Variants in NEMP2 observed in about 807,000 individuals in gnomAD.
NEMP2 encodes nuclear envelope integral membrane protein 2.
A neutral mutation model predicts 54.2 loss-of-function variants in NEMP2; 53 were observed. That is an observed-to-expected ratio of 0.98 (90% CI 0.78 to 1.23). NEMP2 has a LOEUF of 1.23. Among genes scored for constraint, NEMP2 ranks in the 50% most tolerant of loss-of-function variants. The pLI, the probability that NEMP2 is intolerant of heterozygous loss-of-function variation, is 0.00. For synonymous variants in NEMP2, 197 were observed against 190.3 expected, an observed-to-expected ratio of 1.04 and a Z score of -0.29; for missense variants, 455 against 511.3, an observed-to-expected ratio of 0.89 and a Z score of 1.06.
the NEMP2 span, among the ~76,000 whole-genome samples, chr2:190,441,612 C>G: frequency 6.6e-6 from 1 of 152,090 alleles, no homozygotes; most frequent in Admixed American, 6.5e-5. Context: ...TGTACATGTG[C>G]TGGTCAGTAC....
At chr2:190,449,089 A>C in the NEMP2 span, among the ~76,000 whole-genome samples, 98 of 152,362 alleles carry the variant, frequency 6.4e-4, 1 homozygote, top group South Asian at 0.02. Context: ...AAATGGCATA[A>C]ATGATTACAA....
the NEMP2 span, among the ~76,000 whole-genome samples, chr2:190,450,563 G>C: frequency 8.0e-6 from 1 of 125,698 alleles, no homozygotes; most frequent in African/African-American, 3.0e-5. Flanking sequence ...TGCAATCTCA[G>C]CTCACTGCAG....
chr2:190,428,071 T>C, the NEMP2 span, among the ~76,000 whole-genome samples: 45,947 of 152,096 alleles, frequency 0.3, 7,268 homozygotes, highest in African/African-American at 0.39. Context: ...GTTTTGCCTG[T>C]TTATTATTTT....
chr2:190,516,379 G>C lies in NEMP2; in HGVS notation c.618C>G (p.Ser206Arg). The C allele has an allele frequency of 6.5e-7, 1 of 1,544,126 alleles. No homozygotes were observed. The highest frequency in any genetic ancestry group is 8.7e-7 in the Non-Finnish European group (1 of 1,144,590). ...LLVKRFIPKY[S>R]TFWALMVGCW... is the part of the protein sequence containing the mutation. ...AACCAACCATTAGAGCCCAAAAGGT[G>C]CTATACTGTGTGTGGAAGAAAATAA... is the stretch of plus-strand genomic sequence containing the variant. The change falls in exon 6 of 9, where the codon AGC (serine) becomes AGG (arginine). Residue 206 changes from serine (S) to arginine (R), a missense_variant. Physicochemically the swap from Ser to Arg is moderately radical, Grantham distance 110. Around this residue, in one of 3 missense-constraint regions of NEMP2, gnomAD observed 294 missense variants for 333.6 expected, o/e 0.88. Transcript: ENST00000409150.
At chr2:190,591,576 C>T in the NEMP2 span, among the ~76,000 whole-genome samples, 1 of 152,132 alleles carries the variant, frequency 6.6e-6, no homozygotes, top group Admixed American at 6.6e-5. This position sits in a 1 kb window ranked among gnomAD's most constrained non-coding sequence, Gnocchi z 5.4. Flanking sequence ...ACAAAGGTTT[C>T]TGTGGTCACT....
the NEMP2 span, among the ~76,000 whole-genome samples, chr2:190,466,370 G>A: frequency 2.6e-5 from 4 of 152,156 alleles, no homozygotes; most frequent in Admixed American, 1.3e-4. Flanking sequence ...GTAAATATAC[G>A]TGTACTTCTT....
chr2:190,624,372 A>G, the NEMP2 span, among the ~76,000 whole-genome samples: 1 of 152,212 alleles, frequency 6.6e-6, no homozygotes, highest in African/African-American at 2.4e-5. Context: ...TAGTCACTAT[A>G]AAACAGTATA....
chr2:190,619,904 C>T, the NEMP2 span, among the ~76,000 whole-genome samples: 1 of 152,116 alleles, frequency 6.6e-6, no homozygotes, highest in Non-Finnish European at 1.5e-5. The surrounding 1 kb of genome is among the most constrained non-coding windows in gnomAD (Gnocchi z 5.5). Context: ...ATGAATCCTG[C>T]CATACTGTGT....
At chr2:190,425,672 A>C in the NEMP2 span, among the ~76,000 whole-genome samples, 2 of 152,156 alleles carry the variant, frequency 1.3e-5, no homozygotes, top group African/African-American at 4.8e-5. This position sits in a 1 kb window ranked among gnomAD's most constrained non-coding sequence, Gnocchi z 4.3. Flanking sequence ...GAAATATTGC[A>C]TCAGCCTTGT....
chr2:190,560,015 A>T, the NEMP2 span, among the ~76,000 whole-genome samples: 154 of 152,308 alleles, frequency 1.0e-3, no homozygotes, highest in African/African-American at 3.6e-3. This position sits in a 1 kb window ranked among gnomAD's most constrained non-coding sequence, Gnocchi z 5.4. Context: ...ATGCACAGGG[A>T]TTTAGGCTGG....
At chr2:190,500,205 C>T (rs765990805), downstream of NEMP2, 25 of 1,614,008 alleles carry the variant, frequency 1.5e-5, 1 homozygote, top group South Asian at 6.6e-5. This position sits in a 1 kb window ranked among gnomAD's most constrained non-coding sequence, Gnocchi z 5.3. Flanking sequence ...CAGCTGGCCG[C>T]GGGAGGACAC....
At chr2:190,461,776 T>C in the NEMP2 span, among the ~76,000 whole-genome samples, 1 of 152,202 alleles carries the variant, frequency 6.6e-6, no homozygotes, top group Non-Finnish European at 1.5e-5. This position sits in a 1 kb window ranked among gnomAD's most constrained non-coding sequence, Gnocchi z 5.5. Flanking sequence ...AGTTTCAACA[T>C]ATGAATTTTG....
rs192441051 is a variant in NEMP2 at position 190,506,411 on chromosome 2, T to G, written c.*2778A>C. 121 of 152,364 alleles carry G rather than the reference T, an allele frequency of 7.9e-4. 1 individual carries two copies. The highest frequency in any genetic ancestry group is 2.8e-3 in the African/African-American group (118 of 41,584). 9.4% of individuals were successfully genotyped at this position (152,364 alleles called of 1,614,324 possible). A position where few individuals can be genotyped will look rare whatever the true frequency, so the allele number is the denominator to read the frequency against. ...GGAAACAATCACACATAGCATAATG[T>G]AAGAGAGCATTTCTTTAGTTGACAT... On this transcript the variant is annotated 3_prime_UTR_variant, in exon 9 of 9. Transcript: ENST00000409150. The surrounding 1 kb of genome is among the most constrained non-coding windows in gnomAD (Gnocchi z 6.3).
At chr2:190,553,654 C>T in the NEMP2 span, among the ~76,000 whole-genome samples, 3 of 152,310 alleles carry the variant, frequency 2.0e-5, no homozygotes, top group East Asian at 5.8e-4. Context: ...GGTGGCATCA[C>T]AAAATCTGCG....
chr2:190,573,930 T>G, the NEMP2 span, among the ~76,000 whole-genome samples: 1 of 152,176 alleles, frequency 6.6e-6, no homozygotes. Context: ...CAGAATAAAT[T>G]TGAAATATTA....
At chr2:190,546,913 C>T in the NEMP2 span, among the ~76,000 whole-genome samples, 5 of 152,198 alleles carry the variant, frequency 3.3e-5, no homozygotes, top group African/African-American at 1.2e-4. The surrounding 1 kb of genome is among the most constrained non-coding windows in gnomAD (Gnocchi z 5.1). Context: ...CAGCTTCTTT[C>T]CACCACTCTC....
the NEMP2 span, among the ~76,000 whole-genome samples, chr2:190,542,046 C>T: frequency 6.6e-5 from 10 of 152,120 alleles, no homozygotes; most frequent in South Asian, 1.2e-3. This position sits in a 1 kb window ranked among gnomAD's most constrained non-coding sequence, Gnocchi z 4.6. Flanking sequence ...TATTACATGC[C>T]TTGGGGTAGT....
chr2:190,544,292 T>G, the NEMP2 span, among the ~76,000 whole-genome samples: 1 of 152,206 alleles, frequency 6.6e-6, no homozygotes, highest in Non-Finnish European at 1.5e-5. Flanking sequence ...TTCAGTAATT[T>G]TAATAAGTCA....
the NEMP2 span, among the ~76,000 whole-genome samples, chr2:190,448,583 A>G: frequency 6.6e-6 from 1 of 152,362 alleles, no homozygotes; most frequent in South Asian, 2.1e-4. Context: ...ACAATTCAGT[A>G]CAGTTATACA....
Sources: allele counts gnomAD v4.1 joint callset (sites outside exome capture counted in the v4.1 genomes callset), GRCh38; gene constraint gnomAD v4.1.1; regional missense constraint gnomAD v4.1.1; non-coding constraint Gnocchi (gnomAD v3.1); transcripts MANE v1.5; gene names NCBI Gene and HGNC (gene_info 2026-07-23, HGNC 2026-07-21).